RUSC2: variants seen among roughly 807,000 people sequenced by gnomAD.
The protein encoded by RUSC2 is AP-4 complex accessory subunit RUSC2.
RUSC2 carries 34 observed loss-of-function variants against 122.2 expected under a neutral mutation model. The observed-to-expected ratio is 0.28, with a 90% CI of 0.21 to 0.37. RUSC2 has a LOEUF of 0.37. RUSC2 is among the 10% of genes least tolerant of loss of function. RUSC2 has a pLI of 1.00. For synonymous variants in RUSC2, 784 were observed against 790.0 expected (o/e 0.99, Z 0.13); for missense variants, 1,747 against 1,952.4 (o/e 0.89, Z 1.98).
intron 1 of RUSC2, among the ~76,000 whole-genome samples, chr9:35,531,180 G>T (rs1821412219): frequency 1.3e-5 from 2 of 152,214 alleles, no homozygotes; most frequent in Non-Finnish European, 2.9e-5. Context: ...AGAATGGCAT[G>T]AACCTGGGAA....
intron 1 of RUSC2, among the ~76,000 whole-genome samples, chr9:35,518,290 G>T (rs936594259): frequency 6.6e-6 from 1 of 152,212 alleles, no homozygotes; most frequent in African/African-American, 2.4e-5. Flanking sequence ...GAAGATGACA[G>T]AGTCACTGTT....
intron 1 of RUSC2, among the ~76,000 whole-genome samples, chr9:35,506,249 T>G (rs1315040139): frequency 1.3e-5 from 2 of 152,350 alleles, no homozygotes; most frequent in East Asian, 3.9e-4. Context: ...AACCACTGAA[T>G]TGTATACATT....
intron 1 of RUSC2, among the ~76,000 whole-genome samples, chr9:35,491,972 CAAAAT>C (rs1050819373): frequency 6.6e-6 from 1 of 152,020 alleles, no homozygotes; most frequent in African/African-American, 2.4e-5. Context: ...TGCTCTGTCT[CAAAAT>C]AAAGCCTTGG....
At chr9:35,515,999 C>CAAAAAAAAAAAAAAAAAAAAAAAA (rs544797957) in intron 1 of RUSC2, among the ~76,000 whole-genome samples, 2 of 47,196 alleles carry the variant, frequency 4.2e-5, no homozygotes, top group African/African-American at 9.9e-5. Flanking sequence ...ATTCTTGTCT[C>CAAAAAAAAAAAAAAAAAAAAAAAA]AAAAAAAAAA....
At chr9:35,532,661 A>G (rs1007169411) in intron 1 of RUSC2, among the ~76,000 whole-genome samples, 3 of 151,756 alleles carry the variant, frequency 2.0e-5, no homozygotes, top group African/African-American at 7.3e-5. Flanking sequence ...AACGAGAATC[A>G]CTTTAACCTG....
chr9:35,555,577 T>G lies in RUSC2; in HGVS notation c.2532T>G (p.Thr844=), dbSNP rs1378424840. The change falls in exon 3 of 12, where the codon ACT becomes ACG. Residue 844 remains threonine (T), a synonymous_variant. Coordinates refer to ENST00000361226, the MANE Select transcript of RUSC2 (RefSeq NM_014806.5). The surrounding 1 kb of genome is among the most constrained non-coding windows in gnomAD (Gnocchi z 4.6). ...AGGATCAGAAGATACTGACCTTGAC[T>G]GAGTACCGGCTCCATGGAACAGGAA... is the stretch of plus-strand genomic sequence containing the variant. The part of the protein sequence containing the change: ...QKEDQKILTL[T]EYRLHGTGSL... 1.2e-6 allele frequency: 2 copies of G among 1,614,042 alleles called. No homozygotes were observed. Among genetic ancestry groups the G allele is most frequent in the South Asian group, 1.1e-5 (1 of 91,080 alleles).
intron 9 of RUSC2, among the ~76,000 whole-genome samples, 160 bp from the exon 10 acceptor site, chr9:35,559,869 C>T (rs879860457): frequency 6.6e-6 from 1 of 152,234 alleles, no homozygotes; most frequent in Non-Finnish European, 1.5e-5. Flanking sequence ...AGGCACTGCA[C>T]AGCTGTGGGC....
At chr9:35,498,011 A>AT (rs1343471607) in intron 1 of RUSC2, among the ~76,000 whole-genome samples, 1 of 152,200 alleles carries the variant, frequency 6.6e-6, no homozygotes, top group Admixed American at 6.5e-5. Context: ...TTATGTGTTG[A>AT]TTTTGTACCC....
At chr9:35,554,665 A>G (rs1244036916) in intron 2 of RUSC2, among the ~76,000 whole-genome samples, 1 of 152,236 alleles carries the variant, frequency 6.6e-6, no homozygotes, top group East Asian at 1.9e-4. Flanking sequence ...AAGCAGAACT[A>G]TAAAGCAGAA....
chr9:35,509,430 A>G (rs890010958), intron 1 of RUSC2, among the ~76,000 whole-genome samples: 11 of 152,246 alleles, frequency 7.2e-5, no homozygotes, highest in African/African-American at 2.4e-4. Flanking sequence ...GAGCAATTCA[A>G]GTAGACCTGT....
chr9:35,523,835 T>A (rs1028199535), intron 1 of RUSC2, among the ~76,000 whole-genome samples: 27 of 149,014 alleles, frequency 1.8e-4, no homozygotes, highest in Middle Eastern at 3.5e-3. Flanking sequence ...AAAAAAAAAA[T>A]AAAAATTTAA....
At chr9:35,523,117 C>G (rs1821247147) in intron 1 of RUSC2, among the ~76,000 whole-genome samples, 1 of 152,234 alleles carries the variant, frequency 6.6e-6, no homozygotes, top group African/African-American at 2.4e-5. Flanking sequence ...AAACTTTTCT[C>G]TGCTAAGCTA....
Position 35,548,214 on chromosome 9 carries a change from A to G in RUSC2, c.1693A>G (p.Ser565Gly), listed in dbSNP as rs762502475. ...CTCTGGCTCGCCCCCACTTCGTGTG[A>G]GTGTTGGGGACTCCTCCCAGGAGTT... ...GGSGSPPLRVSVGDSSQEFSP... is the reference protein window; with the variant it reads ...GGSGSPPLRVGVGDSSQEFSP... Residue 565 changes from serine to glycine, a missense_variant, in exon 2 of 12, where the codon AGT (serine) becomes GGT (glycine). Ser to Gly is a moderately conservative substitution (Grantham distance 56). Transcript: ENST00000361226. The surrounding 1 kb of genome is among the most constrained non-coding windows in gnomAD (Gnocchi z 4.5). The G allele has an allele frequency of 6.2e-7, 1 of 1,613,334 alleles. No individual in the cohort carries two copies. The highest frequency in any genetic ancestry group is 8.5e-7 in the Non-Finnish European group (1 of 1,179,920).
intron 1 of RUSC2, among the ~76,000 whole-genome samples, chr9:35,523,679 G>T (rs553845252): frequency 3.3e-5 from 5 of 152,102 alleles, no homozygotes; most frequent in Middle Eastern, 3.4e-3. Context: ...GCCAGGCATG[G>T]TGGTGCATGC....
rs180776557 is a variant in RUSC2 at position 35,549,947 on chromosome 9, T to C, written c.2014+1412T>C. ...AGTAATTGGGCTGGGCACAGTGGCT[T>C]ACACCTGTAATCCCAGCACTTTGGG... On this transcript the variant is annotated intron_variant, in intron 2 of 11. Transcript: ENST00000361226. 3.6e-3 allele frequency among the ~76,000 whole-genome samples: 547 copies of C among 152,246 alleles called. 15 individuals are homozygous for C. The highest frequency in any genetic ancestry group is 0.031 in the Admixed American group (472 of 15,286).
intron 1 of RUSC2, among the ~76,000 whole-genome samples, chr9:35,503,226 A>G (rs191688791): frequency 6.6e-6 from 1 of 152,180 alleles, no homozygotes; most frequent in Non-Finnish European, 1.5e-5. Flanking sequence ...AGTGTACACT[A>G]TGCCCAAATA....
At chr9:35,543,674 G>A (rs982772053) in intron 1 of RUSC2, among the ~76,000 whole-genome samples, 1 of 152,076 alleles carries the variant, frequency 6.6e-6, no homozygotes, top group Non-Finnish European at 1.5e-5. Context: ...TCACCATGTT[G>A]GCCAGGCTGG....
chr9:35,503,735 T>G (rs1820861725), intron 1 of RUSC2, among the ~76,000 whole-genome samples: 1 of 89,388 alleles, frequency 1.1e-5, no homozygotes, highest in Non-Finnish European at 2.4e-5. Flanking sequence ...TGTATAAGTG[T>G]TCCCTTTTCA....
intron 9 of RUSC2, 86 bp downstream of exon 9, chr9:35,559,358 T>C (rs1206433681): frequency 8.4e-7 from 1 of 1,195,476 alleles, no homozygotes; most frequent in Non-Finnish European, 1.2e-6. Flanking sequence ...TTTTCATTGC[T>C]GGAGGTGGGG....
Sources: gnomAD v4.1 joint callset for allele counts (sites outside exome capture counted in the v4.1 genomes callset) on GRCh38, gnomAD v4.1.1 for gene constraint, Gnocchi (gnomAD v3.1) non-coding constraint, MANE v1.5 for transcripts, NCBI Gene and HGNC (gene_info 2026-07-23, HGNC 2026-07-21) for gene names.